SAMTOR: variants seen among roughly 807,000 people sequenced by gnomAD.
SAMTOR encodes the protein UPF0532 protein C7orf60.
chr7:112,832,686 ATATTT>A, the SAMTOR span: 1 of 1,451,046 alleles, frequency 6.9e-7, no homozygotes. Flanking sequence ...CTAAAAACAG[ATATTT>A]TATAAGAACA....
chr7:112,860,674 G>C, the SAMTOR span, among the ~76,000 whole-genome samples: 1 of 151,922 alleles, frequency 6.6e-6, no homozygotes, highest in Admixed American at 6.6e-5. Context: ...AGGCCGAGGC[G>C]GGTGGATCAC....
At chr7:112,820,113 C>G in the SAMTOR span, 15 of 152,466 alleles carry the variant, frequency 9.8e-5, no homozygotes, top group African/African-American at 3.4e-4. Flanking sequence ...ATATTTATTG[C>G]ATTTAATCAA....
the SAMTOR span, chr7:112,939,341 A>AG: frequency 1.8e-6 from 1 of 562,790 alleles, no homozygotes; most frequent in African/African-American, 1.9e-5. Context: ...AGGGGCTTGG[A>AG]GGGGGTGGGG....
the SAMTOR span, among the ~76,000 whole-genome samples, chr7:112,838,040 C>T: frequency 1.3e-5 from 2 of 151,822 alleles, no homozygotes; most frequent in Non-Finnish European, 2.9e-5. Flanking sequence ...GTTTTAAAAG[C>T]AAAGACATCA....
the SAMTOR span, among the ~76,000 whole-genome samples, chr7:112,852,767 T>C: frequency 6.6e-6 from 1 of 152,214 alleles, no homozygotes; most frequent in East Asian, 1.9e-4. Context: ...TAATTTGTCA[T>C]GTTAATATAC....
the SAMTOR span, among the ~76,000 whole-genome samples, chr7:112,858,712 C>T: frequency 1.3e-5 from 2 of 152,018 alleles, no homozygotes; most frequent in Admixed American, 1.3e-4. Context: ...TTTAACAAGG[C>T]TATTTGTACA....
the SAMTOR span, among the ~76,000 whole-genome samples, chr7:112,837,535 T>G: frequency 6.6e-6 from 1 of 152,050 alleles, no homozygotes; most frequent in Admixed American, 6.6e-5. Flanking sequence ...AAATGCATTC[T>G]ATATATTTGT....
At chr7:112,921,533 A>G in the SAMTOR span, among the ~76,000 whole-genome samples, 2 of 149,096 alleles carry the variant, frequency 1.3e-5, no homozygotes, top group African/African-American at 5.0e-5. Context: ...GGACATAGGC[A>G]TGGGCAAGGA....
chr7:112,882,819 G>A, the SAMTOR span, among the ~76,000 whole-genome samples: 3 of 147,738 alleles, frequency 2.0e-5, no homozygotes, highest in African/African-American at 7.5e-5. Flanking sequence ...CTTTACTAGT[G>A]TAACATCTTT....
At chr7:112,849,228 C>T in the SAMTOR span, among the ~76,000 whole-genome samples, 1 of 152,126 alleles carries the variant, frequency 6.6e-6, no homozygotes, top group East Asian at 1.9e-4. Flanking sequence ...AATAAACACA[C>T]ATATGTATAT....
chr7:112,909,793 A>G, the SAMTOR span, among the ~76,000 whole-genome samples: 1 of 151,882 alleles, frequency 6.6e-6, no homozygotes, highest in South Asian at 2.1e-4. Flanking sequence ...AAAGTTGTTA[A>G]GCAAAAATCT....
chr7:112,894,150 G>T, the SAMTOR span, among the ~76,000 whole-genome samples: 120 of 151,644 alleles, frequency 7.9e-4, no homozygotes, highest in Middle Eastern at 3.4e-3. Context: ...AGAGAGGCCT[G>T]GGGGTGAAGG....
At chr7:112,920,261 G>T in the SAMTOR span, among the ~76,000 whole-genome samples, 1 of 152,136 alleles carries the variant, frequency 6.6e-6, no homozygotes, top group Admixed American at 6.5e-5. Context: ...ATGATCAAGT[G>T]GGCTTCATCC....
At chr7:112,897,034 A>G in the SAMTOR span, among the ~76,000 whole-genome samples, 1 of 152,194 alleles carries the variant, frequency 6.6e-6, no homozygotes, top group Non-Finnish European at 1.5e-5. Context: ...AGCCTAGTGC[A>G]CACATAAAGA....
chr7:112,833,031 C>A, the SAMTOR span, among the ~76,000 whole-genome samples: 6 of 152,228 alleles, frequency 3.9e-5, no homozygotes. Context: ...CCAGCCTCAG[C>A]TCCCAAAGTA....
chr7:112,919,301 A>C, the SAMTOR span, among the ~76,000 whole-genome samples: 1 of 152,224 alleles, frequency 6.6e-6, no homozygotes, highest in East Asian at 1.9e-4. Flanking sequence ...AACTCACTCA[A>C]AACCACTCAA....
At chr7:112,939,735 C>T in the SAMTOR span, 11 of 1,602,112 alleles carry the variant, frequency 6.9e-6, no homozygotes, top group Middle Eastern at 2.0e-4. Context: ...TTTCGGCCGC[C>T]GGCCCCTGGC....
At chr7:112,915,121 C>T in the SAMTOR span, among the ~76,000 whole-genome samples, 5 of 151,878 alleles carry the variant, frequency 3.3e-5, no homozygotes, top group Admixed American at 3.3e-4. Flanking sequence ...GCCTATAATC[C>T]CAGCTACTTG....
chr7:112,872,793 A>C, the SAMTOR span, among the ~76,000 whole-genome samples: 4 of 151,910 alleles, frequency 2.6e-5, no homozygotes, highest in African/African-American at 9.7e-5. Flanking sequence ...ATCAATGTAT[A>C]AAAATCAGTA....
Sources: allele counts gnomAD v4.1 joint callset (sites outside exome capture counted in the v4.1 genomes callset), GRCh38; gene constraint gnomAD v4.1.1; transcripts MANE v1.5; gene names NCBI Gene and HGNC (gene_info 2026-07-23, HGNC 2026-07-21).